Variants in AGBL4 observed in about 807,000 individuals in gnomAD.
AGBL4 encodes the protein cytosolic carboxypeptidase 6.
AGBL4 carries 58 observed loss-of-function variants against 66.4 expected under a neutral mutation model. The ratio of observed to expected loss-of-function variants is 0.87; its 90% CI spans 0.71 to 1.09. The LOEUF (loss-of-function observed/expected upper bound fraction) is 1.09. Ranked by LOEUF, AGBL4 falls within the 50% of genes least tolerant of loss-of-function variation. The probability of loss-of-function intolerance (pLI) is 0.00; values close to 1 mark genes in which losing one functional copy is unlikely to be tolerated. For missense variants in AGBL4, 579 were observed against 631.0 expected, an observed-to-expected ratio of 0.92 and a Z score of 0.88; for synonymous variants, 234 against 222.9, an observed-to-expected ratio of 1.05 and a Z score of -0.44.
chr1:49,772,467 A>G (rs1644089898), intron 2 of AGBL4, among the ~76,000 whole-genome samples: 1 of 152,136 alleles, frequency 6.6e-6, no homozygotes, highest in Non-Finnish European at 1.5e-5. Flanking sequence ...TGCATTTACT[A>G]CTTTTCACAT....
chr1:49,925,232 C>T (rs988038936), intron 1 of AGBL4, among the ~76,000 whole-genome samples: 3 of 152,132 alleles, frequency 2.0e-5, no homozygotes, highest in Non-Finnish European at 4.4e-5. Flanking sequence ...GGCAGAGTCA[C>T]GGGGCCCTCA....
chr1:49,600,086 G>A (rs996234954), intron 3 of AGBL4, among the ~76,000 whole-genome samples: 31 of 152,296 alleles, frequency 2.0e-4, no homozygotes, highest in African/African-American at 7.0e-4. Flanking sequence ...TGTATATTCT[G>A]TTAATTTGGG....
intron 4 of AGBL4, among the ~76,000 whole-genome samples, chr1:49,126,384 T>C (rs1645764559): frequency 6.6e-6 from 1 of 152,130 alleles, no homozygotes; most frequent in African/African-American, 2.4e-5. Context: ...TCTCTAATCT[T>C]CATAACAGTC....
intron 3 of AGBL4, among the ~76,000 whole-genome samples, chr1:49,266,657 A>G (rs959887449): frequency 4.0e-5 from 6 of 151,688 alleles, no homozygotes; most frequent in East Asian, 1.9e-4. Flanking sequence ...TAGCCAGCCT[A>G]AGGGAAGGAG....
At chr1:49,992,450 C>T (rs979014250) in intron 1 of AGBL4, among the ~76,000 whole-genome samples, 7 of 151,714 alleles carry the variant, frequency 4.6e-5, no homozygotes, top group Non-Finnish European at 4.4e-5. Context: ...CATTTAAATA[C>T]TCAGGTTTTG....
chr1:49,489,975 GGAAATAA>G (rs1408534506), intron 3 of AGBL4, among the ~76,000 whole-genome samples: 1 of 151,488 alleles, frequency 6.6e-6, no homozygotes, highest in Non-Finnish European at 1.5e-5. Context: ...ATCATCATCT[GGAAATAA>G]GAAATAATTT....
chr1:49,414,556 C>T lies in AGBL4; in HGVS notation c.283-168692G>A, dbSNP rs138162687. Among the ~76,000 whole-genome samples the T allele has an allele frequency of 6.6e-5, 10 of 152,198 alleles. No homozygotes were observed. The East Asian group carries it at 1.7e-3, about 26-fold the overall frequency. ...AATGGTTATATGCAATGAAAACGGG[C>T]CTACTGCTTAAAACTGATCAAAGGA... is the stretch of plus-strand genomic sequence containing the variant. On this transcript the variant is annotated intron_variant, in intron 3 of 13. Transcript: ENST00000371839.
At chr1:49,376,420 G>A (rs1235699789) in intron 3 of AGBL4, among the ~76,000 whole-genome samples, 1 of 151,970 alleles carries the variant, frequency 6.6e-6, no homozygotes, top group African/African-American at 2.4e-5. Context: ...AAAGAAAGAG[G>A]TAGGATACTT....
At chr1:49,935,695 A>T (rs2148276698) in intron 1 of AGBL4, among the ~76,000 whole-genome samples, 1 of 152,270 alleles carries the variant, frequency 6.6e-6, no homozygotes, top group African/African-American at 2.4e-5. Context: ...CCGCTGTTCT[A>T]CGGCCACCGC....
At chr1:49,873,821 T>G (rs1416840789) in intron 1 of AGBL4, among the ~76,000 whole-genome samples, 1 of 152,082 alleles carries the variant, frequency 6.6e-6, no homozygotes, top group African/African-American at 2.4e-5. Flanking sequence ...AATAAACATC[T>G]AAATTGATTG....
intron 1 of AGBL4, among the ~76,000 whole-genome samples, chr1:49,970,708 AAC>A (rs373722460): frequency 0.035 from 3,936 of 113,940 alleles, 79 homozygotes; most frequent in African/African-American, 0.062. Context: ...AAAAAAACAA[AAC>A]ACACACACAC....
chr1:49,497,191 A>AGT (rs1405224329), intron 3 of AGBL4, among the ~76,000 whole-genome samples: 2 of 151,880 alleles, frequency 1.3e-5, no homozygotes, highest in African/African-American at 4.8e-5. Context: ...AATGTCTAAT[A>AGT]GTACCTTTGC....
chr1:48,755,270 C>A (rs1652370806), intron 6 of AGBL4, among the ~76,000 whole-genome samples: 1 of 152,184 alleles, frequency 6.6e-6, no homozygotes, highest in Non-Finnish European at 1.5e-5. Flanking sequence ...GGCTGCTCTC[C>A]ACTACCATCT....
intron 3 of AGBL4, among the ~76,000 whole-genome samples, chr1:49,279,755 C>T (rs138536821): frequency 6.6e-6 from 1 of 152,136 alleles, no homozygotes; most frequent in Non-Finnish European, 1.5e-5. Context: ...CTAGCCAACT[C>T]CTATCTTGCC....
At chr1:49,636,049 A>C (rs1645665102) in intron 3 of AGBL4, among the ~76,000 whole-genome samples, 1 of 152,204 alleles carries the variant, frequency 6.6e-6, no homozygotes, top group South Asian at 2.1e-4. Context: ...GCTGCACTCT[A>C]GGGCTGTATC....
chr1:48,703,234 T>G (rs937804628), intron 6 of AGBL4, among the ~76,000 whole-genome samples: 5 of 151,966 alleles, frequency 3.3e-5, no homozygotes, highest in African/African-American at 1.2e-4. Flanking sequence ...GGAAGGAGGA[T>G]AAGATAAAGG....
chr1:49,817,822 C>G (rs1365080309), intron 2 of AGBL4, among the ~76,000 whole-genome samples: 2 of 152,084 alleles, frequency 1.3e-5, no homozygotes, highest in African/African-American at 4.8e-5. Context: ...CATCAATTTC[C>G]CATGTAACTA....
At chr1:48,813,696 C>T (rs1646109871) in intron 6 of AGBL4, among the ~76,000 whole-genome samples, 2 of 152,118 alleles carry the variant, frequency 1.3e-5, no homozygotes, top group African/African-American at 4.8e-5. Context: ...TTGTGTATTT[C>T]CCTTCCTTGA....
chr1:49,472,755 A>G (rs1409717500), intron 3 of AGBL4, among the ~76,000 whole-genome samples: 2 of 152,122 alleles, frequency 1.3e-5, no homozygotes. Context: ...GTTTCTAACA[A>G]TTCTGTCACC....
Sources: gnomAD v4.1 joint callset for allele counts (sites outside exome capture counted in the v4.1 genomes callset) on GRCh38, gnomAD v4.1.1 for gene constraint, MANE v1.5 for transcripts, NCBI Gene and HGNC (gene_info 2026-07-23, HGNC 2026-07-21) for gene names.